OXR1: variants seen among roughly 807,000 people sequenced by gnomAD.
The protein encoded by OXR1 is oxidation resistance protein 1.
Under a neutral mutation model 104.6 loss-of-function variants are expected in OXR1, and 41 were observed. The ratio of observed to expected loss-of-function variants is 0.39; its 90% CI spans 0.31 to 0.51. OXR1 has a LOEUF of 0.51. Among genes scored for constraint, OXR1 ranks in the 20% least tolerant of loss-of-function variants. The probability of loss-of-function intolerance (pLI) is 0.77; values close to 1 mark genes in which losing one functional copy is unlikely to be tolerated. For synonymous variants in OXR1, 348 were observed against 348.4 expected (o/e 1.00, Z 0.01); for missense variants, 955 against 1,031.9 (o/e 0.93, Z 1.02).
At chr8:106,276,789 C>G (rs1812064030) in intron 1 of OXR1, among the ~76,000 whole-genome samples, 1 of 146,560 alleles carries the variant, frequency 6.8e-6, no homozygotes, top group Non-Finnish European at 1.5e-5. Context: ...TGATGGGTCT[C>G]TAATTATGTT....
intron 1 of OXR1, among the ~76,000 whole-genome samples, chr8:106,285,999 G>C (rs1812486186): frequency 6.8e-6 from 1 of 146,246 alleles, no homozygotes; most frequent in South Asian, 2.2e-4. Flanking sequence ...GGTAGATGTG[G>C]GGCTAATGTG....
Position 106,713,957 on chromosome 8 carries a change from G to A in OXR1, c.1928G>A (p.Ser643Asn). The A allele has an allele frequency of 6.3e-7, 1 of 1,583,524 alleles. No individual in the cohort carries two copies. The highest frequency in any genetic ancestry group is 8.5e-7 in the Non-Finnish European group (1 of 1,171,062). The change falls in exon 11 of 17, where the codon AGT becomes AAT. Residue 643 changes from serine to asparagine, a missense_variant. Transcript: ENST00000517566. ...IEESETIEDS[S>N]NQAAAREWEV... ...GAGTCTGAAACAATTGAGGATTCTA[G>A]TAATCAAGCAGCAGCCAGAGAATGG...
intron 3 of OXR1, among the ~76,000 whole-genome samples, chr8:106,622,816 C>A (rs1177080192): frequency 6.6e-6 from 1 of 152,130 alleles, no homozygotes; most frequent in Non-Finnish European, 1.5e-5. Context: ...TATTGGAATA[C>A]AAACATTATA....
chr8:106,637,875 C>CCT (rs1413643206), intron 3 of OXR1, among the ~76,000 whole-genome samples: 1 of 151,714 alleles, frequency 6.6e-6, no homozygotes, highest in African/African-American at 2.4e-5. Flanking sequence ...CATTCTCCTG[C>CCT]CTCAGCCTCC....
At chr8:106,470,943 A>G (rs919268160) in intron 2 of OXR1, among the ~76,000 whole-genome samples, 4 of 151,740 alleles carry the variant, frequency 2.6e-5, no homozygotes, top group African/African-American at 9.7e-5. Flanking sequence ...GTCATTGCTG[A>G]CCTTGATGTG....
At chr8:106,708,439 C>T (rs1431328950) in intron 9 of OXR1, among the ~76,000 whole-genome samples, 4 of 151,994 alleles carry the variant, frequency 2.6e-5, no homozygotes, top group African/African-American at 9.7e-5. Context: ...ACTTGCTTTT[C>T]TCCCTTCCTC....
chr8:106,717,596 T>C lies in OXR1; in HGVS notation c.1956+3611T>C, dbSNP rs916003330. Reference sequence around the variant, plus strand: ...GTATATGATAAATTTGGTAAACTTATTGTTTGCTTTTTTCTCCCTTTCCCT... The same window carrying C: ...GTATATGATAAATTTGGTAAACTTACTGTTTGCTTTTTTCTCCCTTTCCCT... On this transcript the variant is annotated intron_variant, in intron 11 of 16. Transcript: ENST00000517566. Among the ~76,000 whole-genome samples the C allele has an allele frequency of 3.3e-5, 5 of 152,318 alleles. No homozygotes were observed. In the East Asian group the frequency reaches 5.8e-4, roughly 18 times the overall value.
intron 3 of OXR1, among the ~76,000 whole-genome samples, chr8:106,677,927 T>G (rs1485407007): frequency 6.6e-6 from 1 of 152,104 alleles, no homozygotes; most frequent in Non-Finnish European, 1.5e-5. Flanking sequence ...CTTTATTAGA[T>G]GCTTGCCATG....
intron 3 of OXR1, among the ~76,000 whole-genome samples, chr8:106,639,606 G>T (rs963004114): frequency 2.0e-5 from 3 of 152,126 alleles, no homozygotes; most frequent in African/African-American, 7.2e-5. Flanking sequence ...GGAAAAGGGT[G>T]GGACATAGTT....
chr8:106,426,270 A>C (rs1819114660), intron 2 of OXR1, among the ~76,000 whole-genome samples: 1 of 152,172 alleles, frequency 6.6e-6, no homozygotes, highest in Non-Finnish European at 1.5e-5. Context: ...TGTTATTTTA[A>C]AAATTGATAC....
At chr8:106,660,046 G>C (rs1039262052) in intron 3 of OXR1, among the ~76,000 whole-genome samples, 2 of 152,162 alleles carry the variant, frequency 1.3e-5, no homozygotes, top group Non-Finnish European at 2.9e-5. Flanking sequence ...TTAACTTCCT[G>C]AAAGAATTTG....
Position 106,525,948 on chromosome 8 carries a change from T to G in OXR1, c.220+6809T>G, listed in dbSNP as rs1393749315. Among the ~76,000 whole-genome samples the G allele has an allele frequency of 2.6e-5, 4 of 152,202 alleles. No homozygotes were observed. In the East Asian group the frequency reaches 7.7e-4, roughly 29 times the overall value. ...GTTTCAGATAAATGAATTAAATAAA[T>G]ATGTATTGAATGCCTACTATGTTCC... On this transcript the variant is annotated intron_variant, in intron 3 of 16. Coordinates refer to ENST00000517566, the MANE Select transcript of OXR1 (RefSeq NM_001198533.2).
chr8:106,704,121 G>A (rs1830872483), intron 8 of OXR1, among the ~76,000 whole-genome samples: 1 of 152,080 alleles, frequency 6.6e-6, no homozygotes, highest in South Asian at 2.1e-4. Context: ...ATTTTGACTT[G>A]GTAGACTAAT....
rs542761987 is a variant in OXR1 at position 106,320,797 on chromosome 8, G to A, written c.-138-38679G>A. Among the ~76,000 whole-genome samples, 79 of 152,056 alleles carry A rather than the reference G, an allele frequency of 5.2e-4. 1 individual carries two copies. The highest frequency in any genetic ancestry group is 8.3e-4 in the South Asian group (4 of 4,814). ...AGTGATTCTTGTGCCTCAGCCTCCC[G>A]AGTTCCTGGGATTACAGGCATGTAC... On this transcript the variant is annotated intron_variant, in intron 1 of 16. Transcript: ENST00000517566.
intron 1 of OXR1, among the ~76,000 whole-genome samples, chr8:106,279,277 A>T (rs1812182939): frequency 6.6e-6 from 1 of 152,192 alleles, no homozygotes; most frequent in Non-Finnish European, 1.5e-5. Context: ...AAGAAGAAAA[A>T]ATTACCATTC....
intron 1 of OXR1, among the ~76,000 whole-genome samples, chr8:106,350,351 T>A (rs2130305090): frequency 6.6e-6 from 1 of 152,320 alleles, no homozygotes. Context: ...TAATAATTTA[T>A]TTAAAAGTTG....
At chr8:106,440,318 G>A (rs894532129) in intron 2 of OXR1, among the ~76,000 whole-genome samples, 27 of 152,050 alleles carry the variant, frequency 1.8e-4, no homozygotes, top group African/African-American at 6.3e-4. Context: ...CCATATGGAC[G>A]ACTGCACAAT....
At chr8:106,364,179 C>T (rs193270078) in intron 2 of OXR1, among the ~76,000 whole-genome samples, 1 of 152,272 alleles carries the variant, frequency 6.6e-6, no homozygotes, top group East Asian at 1.9e-4. Flanking sequence ...GAATGATCTT[C>T]ATTACATATG....
intron 3 of OXR1, among the ~76,000 whole-genome samples, chr8:106,638,250 AACT>A (rs1823321454): frequency 6.6e-6 from 1 of 152,206 alleles, no homozygotes; most frequent in Non-Finnish European, 1.5e-5. Context: ...AGTCAAAGTT[AACT>A]ACATATTCCC....
Sources: gnomAD v4.1 joint callset for allele counts (sites outside exome capture counted in the v4.1 genomes callset) on GRCh38, gnomAD v4.1.1 for gene constraint, MANE v1.5 for transcripts, NCBI Gene and HGNC (gene_info 2026-07-23, HGNC 2026-07-21) for gene names.